Variants in ZNF423 observed in about 807,000 individuals in gnomAD.
The protein encoded by ZNF423 is Ebf-associated zinc finger protein.
In ZNF423, 12 loss-of-function variants were observed where a neutral mutation model predicts 95.8. The observed-to-expected ratio is 0.13, with a 90% confidence interval of 0.08 to 0.20. The LOEUF (loss-of-function observed/expected upper bound fraction) is 0.20. Ranked by LOEUF, ZNF423 falls within the 10% of genes least tolerant of loss-of-function variation. The probability of loss-of-function intolerance (pLI) is 1.00; values close to 1 mark genes in which losing one functional copy is unlikely to be tolerated. For missense variants in ZNF423, 1,316 were observed against 1,737.1 expected, an observed-to-expected ratio of 0.76 and a Z score of 4.31; for synonymous variants, 749 against 711.9, an observed-to-expected ratio of 1.05 and a Z score of -0.83.
chr16:49,630,393 G>A (rs1972456619), intron 4 of ZNF423, among the ~76,000 whole-genome samples: 1 of 152,122 alleles, frequency 6.6e-6, no homozygotes, highest in Admixed American at 6.5e-5. Context: ...AGCCTTTGGT[G>A]GTTGAATGAA....
At chr16:49,654,384 T>C (rs916732648) in intron 3 of ZNF423, among the ~76,000 whole-genome samples, 2 of 152,246 alleles carry the variant, frequency 1.3e-5, no homozygotes, top group African/African-American at 4.8e-5. Context: ...GGTGTTCATC[T>C]GGGCCTACAG....
At chr16:49,738,163 T>C (rs1409940702) in intron 2 of ZNF423, among the ~76,000 whole-genome samples, 2 of 152,230 alleles carry the variant, frequency 1.3e-5, no homozygotes, top group Non-Finnish European at 2.9e-5. Context: ...GCATAACACA[T>C]GCACATTTGC....
intron 7 of ZNF423, among the ~76,000 whole-genome samples, chr16:49,515,227 G>A (rs913196429): frequency 1.1e-4 from 16 of 152,324 alleles, no homozygotes; most frequent in Non-Finnish European, 1.8e-4. Context: ...CCCTGGCCCC[G>A]CGCGCACAGG....
intron 1 of ZNF423, among the ~76,000 whole-genome samples, chr16:49,850,620 C>T (rs1435130828): frequency 6.6e-6 from 1 of 152,204 alleles, no homozygotes; most frequent in Non-Finnish European, 1.5e-5. Flanking sequence ...CCAGGAAAGC[C>T]AAGTCCATCC....
chr16:49,640,953 A>C (rs2151891469), intron 3 of ZNF423: 1 of 152,358 alleles, frequency 6.6e-6, no homozygotes, highest in East Asian at 1.9e-4. Flanking sequence ...TCTGGGGCAC[A>C]GACAAAAGGG....
intron 5 of ZNF423, among the ~76,000 whole-genome samples, chr16:49,562,136 C>T (rs538703752): frequency 6.6e-6 from 1 of 152,222 alleles, no homozygotes. Context: ...CCCCAAATCA[C>T]GCAAATAAAA....
chr16:49,572,220 A>G (rs1291380774), intron 5 of ZNF423, among the ~76,000 whole-genome samples: 1 of 152,172 alleles, frequency 6.6e-6, no homozygotes, highest in Admixed American at 6.5e-5. Context: ...GAGACTTGCA[A>G]ACAGGAGCCA....
intron 5 of ZNF423, among the ~76,000 whole-genome samples, chr16:49,572,698 C>T (rs1328167358): frequency 2.6e-5 from 4 of 152,082 alleles, no homozygotes; most frequent in Admixed American, 2.0e-4. Flanking sequence ...CACGCCACTA[C>T]CATAGCTCAA....
intron 3 of ZNF423, among the ~76,000 whole-genome samples, chr16:49,662,053 C>A (rs944992685): frequency 1.3e-5 from 2 of 152,162 alleles, no homozygotes; most frequent in African/African-American, 4.8e-5. Context: ...ACACAGAGAC[C>A]GCTGGGCAGA....
intron 5 of ZNF423, among the ~76,000 whole-genome samples, chr16:49,555,688 A>AGGTGGAT (rs1969798192): frequency 6.6e-6 from 1 of 152,192 alleles, no homozygotes; most frequent in Non-Finnish European, 1.5e-5. Flanking sequence ...AACCATGGAC[A>AGGTGGAT]GGTGGATGGT....
chr16:49,845,226 T>C (rs2144107448), intron 1 of ZNF423, among the ~76,000 whole-genome samples: 1 of 150,864 alleles, frequency 6.6e-6, no homozygotes, highest in African/African-American at 2.4e-5. Context: ...TGCCTCAGCC[T>C]CCTGGGTAGC....
chr16:49,857,301 C>T (rs1315029700), upstream of ZNF423, among the ~76,000 whole-genome samples: 2 of 107,088 alleles, frequency 1.9e-5, no homozygotes, highest in Non-Finnish European at 3.7e-5. The surrounding 1 kb of genome is among the most constrained non-coding windows in gnomAD (Gnocchi z 6.2). Flanking sequence ...AAACCCGGAC[C>T]GTGGTGGCGG....
chr16:49,701,245 C>CGTGCATGCGCACGTGTGT (rs1411437116), intron 3 of ZNF423, among the ~76,000 whole-genome samples: 1 of 152,200 alleles, frequency 6.6e-6, no homozygotes, highest in African/African-American at 2.4e-5. Context: ...TGCACGTGTG[C>CGTGCATGCGCACGTGTGT]GTGCATGCGC....
At chr16:49,796,043 T>C (rs2034494044) in intron 1 of ZNF423, among the ~76,000 whole-genome samples, 1 of 152,144 alleles carries the variant, frequency 6.6e-6, no homozygotes, top group South Asian at 2.1e-4. Context: ...AGAAGGATTC[T>C]GGGGCTCTGC....
At chr16:49,834,951 T>C (rs2035101201) in intron 1 of ZNF423, among the ~76,000 whole-genome samples, 2 of 151,824 alleles carry the variant, frequency 1.3e-5, no homozygotes, top group South Asian at 2.1e-4. Flanking sequence ...CAGGGGAAGA[T>C]GCCTGGAAAA....
intron 3 of ZNF423, among the ~76,000 whole-genome samples, chr16:49,722,126 G>A (rs143378611): frequency 3.1e-4 from 47 of 152,284 alleles, no homozygotes; most frequent in Admixed American, 2.3e-3. Flanking sequence ...CAGAACCACC[G>A]TCTATGCAGC....
intron 2 of ZNF423, among the ~76,000 whole-genome samples, chr16:49,760,035 G>A (rs2033798622): frequency 6.7e-6 from 1 of 148,908 alleles, no homozygotes; most frequent in South Asian, 2.2e-4. Flanking sequence ...TGGGTGGGTG[G>A]GGTGGGTAGA....
At chr16:49,597,018 A>G (rs1473965994) in intron 5 of ZNF423, among the ~76,000 whole-genome samples, 1 of 152,202 alleles carries the variant, frequency 6.6e-6, no homozygotes, top group Non-Finnish European at 1.5e-5. Context: ...GCTCCATCCA[A>G]CCACCTAAGA....
chr16:49,789,293 A>G (rs1231163665), intron 2 of ZNF423, among the ~76,000 whole-genome samples, 194 bp downstream of exon 2: 1 of 152,234 alleles, frequency 6.6e-6, no homozygotes, highest in Non-Finnish European at 1.5e-5. Context: ...AGGGAATATT[A>G]GTCTCCGTAT....
Sources: gnomAD v4.1 joint callset for allele counts (sites outside exome capture counted in the v4.1 genomes callset) on GRCh38, gnomAD v4.1.1 for gene constraint, Gnocchi (gnomAD v3.1) non-coding constraint, MANE v1.5 for transcripts, NCBI Gene and HGNC (gene_info 2026-07-23, HGNC 2026-07-21) for gene names.